GCN1: variants seen among roughly 807,000 people sequenced by gnomAD.
GCN1 encodes the protein stalled ribosome sensor GCN1.
In GCN1, 90 loss-of-function variants were observed where a neutral mutation model predicts 288.4. The observed-to-expected ratio is 0.31, with a 90% CI of 0.26 to 0.37. The LOEUF is 0.37. GCN1 is among the 10% of genes least tolerant of loss of function. The pLI, the probability that GCN1 is intolerant of heterozygous loss-of-function variation, is 1.00. For synonymous variants in GCN1, 1,386 were observed against 1,420.2 expected, an observed-to-expected ratio of 0.98 and a Z score of 0.54; for missense variants, 2,586 against 3,419.9, an observed-to-expected ratio of 0.76 and a Z score of 6.08.
chr12:120,191,238 T>C (rs1462003707), intron 1 of GCN1, among the ~76,000 whole-genome samples: 1 of 152,228 alleles, frequency 6.6e-6, no homozygotes, highest in Non-Finnish European at 1.5e-5. Flanking sequence ...CCACAGCACC[T>C]GCGTTTTTGA....
rs1474744233 is a variant in GCN1 at position 120,129,346 on chromosome 12, AC to A, written c.7819del (p.Val2607TrpfsTer38). ...LLDNTKDKNTVVRAYSDQAIV... is the reference protein window; with the variant it reads ...LLDNTKDKNTXVRAYSDQAIV... ...TGCCTGGTCGCTGTAGGCCCTGACC[AC>A]GGTGTTCTTATCCTTGGTGTTGTCA... On this transcript the variant is annotated frameshift_variant, in exon 57 of 58. Transcript: ENST00000300648. LOFTEE classifies it high-confidence loss of function. The A allele has an allele frequency of 6.2e-7, 1 of 1,613,982 alleles. No individual in the cohort carries two copies. Among genetic ancestry groups the A allele is most frequent in the Non-Finnish European group, 8.5e-7 (1 of 1,180,014 alleles).
intron 14 of GCN1, among the ~76,000 whole-genome samples, chr12:120,170,563 C>T (rs1008758112): frequency 1.3e-5 from 2 of 152,148 alleles, no homozygotes; most frequent in Non-Finnish European, 2.9e-5. Flanking sequence ...AATCCCAGCA[C>T]TTTGGGAGGC....
At position 120,138,407 on chromosome 12, in the gene GCN1, C is replaced by T. The variant is rs766758623; in HGVS notation, c.6165G>A (p.Glu2055=). The change falls in exon 47 of 58, where the codon GAG becomes GAA. Residue 2055 remains glutamate (E), a synonymous_variant. Transcript: ENST00000300648. ...CATCCAAGGCAAACTCTGACACCTCCTCGTCATCCTGCAGAGGGTGTTGGG... is the reference window on the plus strand; with the variant it reads ...CATCCAAGGCAAACTCTGACACCTCTTCGTCATCCTGCAGAGGGTGTTGGG... ...LPFLLKQLDD[E]EVSEFALDGL... is the part of the protein sequence containing the mutation. 2 of 1,601,046 alleles carry T rather than the reference C, an allele frequency of 1.2e-6. No homozygotes were observed. Among genetic ancestry groups the T allele is most frequent in the Non-Finnish European group, 1.7e-6 (2 of 1,168,038 alleles).
At position 120,163,343 on chromosome 12, in the gene GCN1, G is replaced by A. The variant is rs1877993332; in HGVS notation, c.1849-84C>T. ...GAACCAAATATGCTACGGACACAGC[G>A]GCCCCTCACTCAGTTCTTCCCTGGG... On this transcript the variant is annotated intron_variant, in intron 18 of 57. Coordinates refer to ENST00000300648, the MANE Select transcript of GCN1 (RefSeq NM_006836.2). 3.6e-6 allele frequency: 4 copies of A among 1,103,562 alleles called. 1 individual carries two copies. The highest frequency in any genetic ancestry group is 2.8e-5 in the South Asian group (2 of 72,652). 68.4% of individuals were successfully genotyped at this position (1,103,562 alleles called of 1,614,324 possible). A position where few individuals can be genotyped will look rare whatever the true frequency, so the allele number is the denominator to read the frequency against.
rs767254912 is a variant in GCN1 at position 120,151,281 on chromosome 12, G to A, written c.4173C>T (p.Tyr1391=). 36 of 1,614,048 alleles carry A rather than the reference G, an allele frequency of 2.2e-5. No homozygotes were observed. Among genetic ancestry groups the A allele is most frequent in the African/African-American group, 4.0e-5 (3 of 74,948 alleles). ...CATAGGCGGCCCCTTTGCGCTCTGCGTACTTGTCTGACTCCAGCAGCTGCT... is the reference window on the plus strand; with the variant it reads ...CATAGGCGGCCCCTTTGCGCTCTGCATACTTGTCTGACTCCAGCAGCTGCT... ...LMQQLLESDK[Y]AERKGAAYGL... The change falls in exon 34 of 58, where the codon TAC becomes TAT. Residue 1391 remains tyrosine, a synonymous_variant. Transcript: ENST00000300648.
At position 120,131,916 on chromosome 12, in the gene GCN1, G is replaced by C. The variant is rs1188739059; in HGVS notation, c.7414+10C>G. ...CAGGTCCCTGAAGGGGAACTCTCCAGTGTACTTACCCAGCAAGCACTGCTG... is the reference window on the plus strand; with the variant it reads ...CAGGTCCCTGAAGGGGAACTCTCCACTGTACTTACCCAGCAAGCACTGCTG... On this transcript the variant is annotated intron_variant, in intron 54 of 57. Transcript: ENST00000300648. 3.8e-6 allele frequency: 6 copies of C among 1,568,128 alleles called. No homozygotes were observed. In the African/African-American group the frequency reaches 8.1e-5, roughly 21 times the overall value.
rs775262473 is a variant in GCN1, at chr12:120,153,297, C to G, written c.3978G>C (p.Leu1326=). 1.2e-6 allele frequency: 2 copies of G among 1,614,094 alleles called. No homozygotes were observed. The highest frequency in any genetic ancestry group is 2.7e-5 in the African/African-American group (2 of 74,930). The change falls in exon 33 of 58, where the codon CTG becomes CTC. Residue 1326 remains leucine (L), a synonymous_variant. Coordinates refer to ENST00000300648, the MANE Select transcript of GCN1 (RefSeq NM_006836.2). This position sits in a 1 kb window ranked among gnomAD's most constrained non-coding sequence, Gnocchi z 4.4. ...GGTCACTCTTGTCCAGGTGCTTGGC[C>G]AGAGAGCCCATCAGGACCACCACAC... ...RQSVVVLMGS[L]AKHLDKSDPK...
chr12:120,192,731 CGA>C (rs1491189254), intron 1 of GCN1, among the ~76,000 whole-genome samples: 2 of 110,132 alleles, frequency 1.8e-5, no homozygotes, highest in East Asian at 3.6e-4. Flanking sequence ...GACTCCGTCT[CGA>C]AAAAAAAAAA....
At chr12:120,149,746 G>A (rs1555300367) in intron 35 of GCN1, 26 bp from the exon 36 acceptor site, 1 of 1,591,058 alleles carries the variant, frequency 6.3e-7, no homozygotes, top group Admixed American at 1.7e-5. Context: ...AACACATTCA[G>A]GGGCCTCCTC....
intron 7 of GCN1, 80 bp from the exon 8 acceptor site, chr12:120,177,832 G>A: frequency 9.9e-7 from 1 of 1,014,856 alleles, no homozygotes. Context: ...TCTTGTGAGA[G>A]TGCCTCCAAA....
chr12:120,131,774 T>TG, intron 54 of GCN1, 152 bp downstream of exon 54: 1 of 614,266 alleles, frequency 1.6e-6, no homozygotes, highest in Non-Finnish European at 3.0e-6. Context: ...CCACCACCCC[T>TG]GGCCTGGATT....
chr12:120,145,896 GTT>G (rs1877345587), intron 38 of GCN1, among the ~76,000 whole-genome samples: 1 of 152,140 alleles, frequency 6.6e-6, no homozygotes, highest in Non-Finnish European at 1.5e-5. Flanking sequence ...TTAAAAATCA[GTT>G]TTGTGAATAA....
rs199504005 is a variant in GCN1, at chr12:120,161,922, T to C, written c.2300A>G (p.Gln767Arg). 2.5e-6 allele frequency: 4 copies of C among 1,614,042 alleles called. No individual in the cohort carries two copies. Among genetic ancestry groups the C allele is most frequent in the Non-Finnish European group, 3.4e-6 (4 of 1,180,034 alleles). ...GTCATACAGCTCCCCAGCAGGGGTCTGCATAATGGCAAACTCCTCCCGCGT... is the reference window on the plus strand; with the variant it reads ...GTCATACAGCTCCCCAGCAGGGGTCCGCATAATGGCAAACTCCTCCCGCGT... ...LVTREEFAIM[Q>R]TPAGELYDKS... Residue 767 changes from glutamine to arginine, a missense_variant, in exon 21 of 58, where the codon CAG (glutamine) becomes CGG (arginine). By Grantham distance (43) the Gln-to-Arg change is conservative. This residue lies in a region of GCN1 where 913 missense variants were observed against 1,107.0 expected (regional missense o/e 0.82). Coordinates refer to ENST00000300648, the MANE Select transcript of GCN1 (RefSeq NM_006836.2).
At chr12:120,188,760 A>G (rs767889017) in intron 2 of GCN1, among the ~76,000 whole-genome samples, 1 of 151,520 alleles carries the variant, frequency 6.6e-6, no homozygotes, top group African/African-American at 2.4e-5. Flanking sequence ...GAGGCAGAAG[A>G]ATGATATGAA....
Position 120,137,192 on chromosome 12 carries a change from A to G in GCN1, c.6777+14T>C. ...CTGCACGCCCACAGCCCCCTGCACG[A>G]GGCCCTGGCTTACCTTCTTCGGGAG... On this transcript the variant is annotated intron_variant, in intron 50 of 57. Transcript: ENST00000300648. This position sits in a 1 kb window ranked among gnomAD's most constrained non-coding sequence, Gnocchi z 5.2. 6.3e-7 allele frequency: 1 copy of G among 1,592,090 alleles called. No homozygotes were observed. Among genetic ancestry groups the G allele is most frequent in the African/African-American group, 1.3e-5 (1 of 74,626 alleles).
Position 120,136,676 on chromosome 12 carries a change from C to T in GCN1, c.6834G>A (p.Glu2278=). 6.2e-7 allele frequency: 1 copy of T among 1,614,086 alleles called. No homozygotes were observed. The highest frequency in any genetic ancestry group is 8.5e-7 in the Non-Finnish European group (1 of 1,180,034). ...LREGVLTGSP[E]QKEEAAKALG... is the part of the protein sequence containing the mutation. The stretch of plus-strand genomic sequence containing the variant: ...AGGCTTTGGCTGCCTCCTCCTTCTG[C>T]TCAGGGCTGCCAGTCAGGACTCCTT... Residue 2278 remains glutamate (E), a synonymous_variant, in exon 51 of 58, where the codon GAG becomes GAA. Coordinates refer to ENST00000300648, the MANE Select transcript of GCN1 (RefSeq NM_006836.2).
chr12:120,135,430 C>A (rs1298711163), intron 51 of GCN1, among the ~76,000 whole-genome samples: 1 of 151,964 alleles, frequency 6.6e-6, no homozygotes, highest in East Asian at 1.9e-4. Flanking sequence ...AAGGCGCGAT[C>A]TCAGCTCACT....
chr12:120,142,365 C>T lies in GCN1; in HGVS notation c.5829+142G>A. 1.6e-6 allele frequency: 1 copy of T among 617,152 alleles called. No individual in the cohort carries two copies. The highest frequency in any genetic ancestry group is 2.7e-5 in the East Asian group (1 of 36,396). 38.2% of individuals were successfully genotyped at this position (617,152 alleles called of 1,614,324 possible). ...AATAAAATTAATCAAAAAATATTTG[C>T]AGAATGACTAAGTAAAGAACACAAT... On this transcript the variant is annotated intron_variant, in intron 44 of 57. Coordinates refer to ENST00000300648, the MANE Select transcript of GCN1 (RefSeq NM_006836.2). This position sits in a 1 kb window ranked among gnomAD's most constrained non-coding sequence, Gnocchi z 4.9.
chr12:120,143,587 G>GAAAA (rs554287116), intron 42 of GCN1, among the ~76,000 whole-genome samples: 1 of 132,694 alleles, frequency 7.5e-6, no homozygotes, highest in African/African-American at 3.1e-5. Context: ...GTCTCAAAAA[G>GAAAA]GAAAAAAAAA....
Sources: allele counts gnomAD v4.1 joint callset (sites outside exome capture counted in the v4.1 genomes callset), GRCh38; gene constraint gnomAD v4.1.1; regional missense constraint gnomAD v4.1.1; non-coding constraint Gnocchi (gnomAD v3.1); transcripts MANE v1.5; gene names NCBI Gene and HGNC (gene_info 2026-07-23, HGNC 2026-07-21).